The following FILIP1L variants were observed in gnomAD, a reference collection of about 807,000 sequenced individuals.
FILIP1L encodes the protein filamin A interacting protein 1 like, also known as filamin A-interacting protein 1-like.
FILIP1L carries 55 observed loss-of-function variants against 96.6 expected under a neutral mutation model. That is an observed-to-expected ratio of 0.57 (90% confidence interval 0.46 to 0.71). The LOEUF is 0.71. Ranked by LOEUF, FILIP1L falls within the 30% of genes least tolerant of loss-of-function variation. FILIP1L has a pLI of 0.00. For synonymous variants in FILIP1L, 467 were observed against 473.9 expected, an observed-to-expected ratio of 0.99 and a Z score of 0.19; for missense variants, 1,304 against 1,321.2, an observed-to-expected ratio of 0.99 and a Z score of 0.20.
At chr3:100,024,270 T>C (rs1022127559) in intron 1 of FILIP1L, among the ~76,000 whole-genome samples, 2 of 152,184 alleles carry the variant, frequency 1.3e-5, no homozygotes, top group African/African-American at 2.4e-5. Flanking sequence ...TTTCTTTGAT[T>C]ATAGGTTTGC....
At chr3:99,908,305 G>C (rs114761991) in intron 4 of FILIP1L, among the ~76,000 whole-genome samples, 1,765 of 152,316 alleles carry the variant, frequency 0.012, 19 homozygotes, top group African/African-American at 0.026. Context: ...ATTTTCTATT[G>C]AAGGCAGATG....
chr3:99,895,278 G>T (rs1360477518), intron 4 of FILIP1L, among the ~76,000 whole-genome samples: 2 of 151,974 alleles, frequency 1.3e-5, no homozygotes, highest in Non-Finnish European at 2.9e-5. Flanking sequence ...CATGTTCACT[G>T]CTGGAAAAGC....
chr3:99,951,321 T>C (rs906198851), intron 1 of FILIP1L, among the ~76,000 whole-genome samples: 1 of 152,138 alleles, frequency 6.6e-6, no homozygotes, highest in Non-Finnish European at 1.5e-5. Context: ...ATCTATATTA[T>C]TATCTAAAGA....
At chr3:100,017,146 A>C (rs536350771) in intron 1 of FILIP1L, among the ~76,000 whole-genome samples, 1 of 152,362 alleles carries the variant, frequency 6.6e-6, no homozygotes, top group African/African-American at 2.4e-5. Context: ...TTGTCATCAA[A>C]AATCAGAATT....
At chr3:99,881,750 C>G (rs1705736686) in intron 4 of FILIP1L, among the ~76,000 whole-genome samples, 1 of 152,168 alleles carries the variant, frequency 6.6e-6, no homozygotes, top group Non-Finnish European at 1.5e-5. Flanking sequence ...CCAGGCTGGT[C>G]TCGAACTCCT....
At position 100,020,760 on chromosome 3, in the gene FILIP1L, C is replaced by CTTTTT. The variant is rs34665880; in HGVS notation, c.-10-89735_-10-89731dup. On this transcript the variant is annotated intron_variant, in intron 1 of 5. Transcript: ENST00000477258. ...TTTTTAGAAAGTAATGAATAATTAG[C>CTTTTT]TTTTTTTTTTTTTTTTTTTTTTTTT... 8.2e-4 allele frequency among the ~76,000 whole-genome samples: 58 copies of CTTTTT among 71,008 alleles called. 2 individuals are homozygous for CTTTTT. Among genetic ancestry groups the CTTTTT allele is most frequent in the African/African-American group, 1.2e-3 (20 of 17,050 alleles). 46.6% of individuals were successfully genotyped at this position (71,008 alleles called of 152,430 possible).
intron 1 of FILIP1L, among the ~76,000 whole-genome samples, chr3:99,978,555 A>G (rs190154393): frequency 2.6e-5 from 4 of 152,206 alleles, no homozygotes; most frequent in Non-Finnish European, 5.9e-5. Context: ...AACACACCAC[A>G]TATTCTCATT....
In FILIP1L at chr3:99,850,961, C is replaced by CA; in HGVS notation, c.714dup (p.Ala239CysfsTer7). ...TGCTGTTCATCCACCACCATCAAAG[C>CA]AAAAGACTTCAGCTTGGTCAGCTCC... On this transcript the variant is annotated frameshift_variant, in exon 5 of 6. Coordinates refer to ENST00000477258, the MANE Select transcript of FILIP1L (RefSeq NM_001387850.1). LOFTEE classifies it high-confidence loss of function. The CA allele has an allele frequency of 6.2e-7, 1 of 1,614,160 alleles. No homozygotes were observed. Among genetic ancestry groups the CA allele is most frequent in the South Asian group, 1.1e-5 (1 of 91,084 alleles).
chr3:100,038,251 C>T (rs887306068), intron 1 of FILIP1L, among the ~76,000 whole-genome samples: 2 of 152,198 alleles, frequency 1.3e-5, no homozygotes, highest in Admixed American at 6.5e-5. Context: ...CCACCACGCC[C>T]GGCCTCTCTT....
intron 4 of FILIP1L, among the ~76,000 whole-genome samples, chr3:99,863,130 G>A (rs1944343187): frequency 6.6e-6 from 1 of 152,176 alleles, no homozygotes; most frequent in Non-Finnish European, 1.5e-5. Context: ...GAGGGTGGTG[G>A]TGGTGGATGG....
In FILIP1L at chr3:99,850,754, T is replaced by G. The variant is rs563603339; in HGVS notation, c.922A>C (p.Thr308Pro). ...TCATTGGTGAGCTTCGCCATAATTG[T>G]GTCTTGGTCTTGGTGAAACTTTGTG... is the stretch of plus-strand genomic sequence containing the variant. ...QTTKFHQDQD[T>P]IMAKLTNEDS... Residue 308 changes from threonine (T) to proline (P), a missense_variant, in exon 5 of 6, where the codon ACA becomes CCA. Transcript: ENST00000477258. 6.2e-7 allele frequency: 1 copy of G among 1,614,220 alleles called. No homozygotes were observed. The highest frequency in any genetic ancestry group is 1.1e-5 in the South Asian group (1 of 91,086).
intron 1 of FILIP1L, among the ~76,000 whole-genome samples, chr3:100,047,315 T>G (rs1201372311): frequency 4.6e-5 from 7 of 152,238 alleles, no homozygotes; most frequent in African/African-American, 1.7e-4. Flanking sequence ...GAAAAGGTGC[T>G]TCCAAAGCAT....
At chr3:99,831,249 A>G (rs1281092758) in intron 5 of FILIP1L, among the ~76,000 whole-genome samples, 1 of 152,234 alleles carries the variant, frequency 6.6e-6, no homozygotes, top group Non-Finnish European at 1.5e-5. Context: ...GCTTCAGGAA[A>G]ACGTTTACTT....
At chr3:99,957,336 T>G (rs1708348668) in intron 1 of FILIP1L, among the ~76,000 whole-genome samples, 1 of 152,098 alleles carries the variant, frequency 6.6e-6, no homozygotes, top group African/African-American at 2.4e-5. Flanking sequence ...ACAGAAAGTA[T>G]TTAGTTGAAG....
At chr3:100,067,644 G>C (rs2065689313) in intron 1 of FILIP1L, among the ~76,000 whole-genome samples, 1 of 152,196 alleles carries the variant, frequency 6.6e-6, no homozygotes, top group African/African-American at 2.4e-5. Flanking sequence ...AGATTATCTA[G>C]ATGATTCAAT....
At chr3:99,859,887 G>A (rs1478766658) in intron 4 of FILIP1L, among the ~76,000 whole-genome samples, 9 of 152,078 alleles carry the variant, frequency 5.9e-5, no homozygotes, top group Admixed American at 1.3e-4. Flanking sequence ...GCTGTGACCC[G>A]TCTTTTTTAT....
intron 4 of FILIP1L, among the ~76,000 whole-genome samples, chr3:99,909,676 C>G (rs140003823): frequency 2.2e-4 from 33 of 152,142 alleles, no homozygotes; most frequent in African/African-American, 7.7e-4. Flanking sequence ...TTTCATCATA[C>G]AGATGAAAAA....
chr3:99,876,217 T>G, intron 4 of FILIP1L: 1 of 985,314 alleles, frequency 1.0e-6, no homozygotes, highest in Non-Finnish European at 1.2e-6. Flanking sequence ...GTTACGTCAC[T>G]GTTCTGCCTT....
chr3:99,925,791 C>T (rs866657634), intron 3 of FILIP1L: 3 of 924,148 alleles, frequency 3.2e-6, no homozygotes, highest in Middle Eastern at 1.1e-3. Flanking sequence ...AAGAACCAGG[C>T]AGTAAAGAAC....
Sources: allele counts gnomAD v4.1 joint callset (sites outside exome capture counted in the v4.1 genomes callset), GRCh38; gene constraint gnomAD v4.1.1; transcripts MANE v1.5; gene names NCBI Gene and HGNC (gene_info 2026-07-23, HGNC 2026-07-21).